Variants in SNX29 observed in about 807,000 individuals in gnomAD.
The protein encoded by SNX29 is sorting nexin 29, also known as sorting nexin-29.
In SNX29, 78 loss-of-function variants were observed where a neutral mutation model predicts 102.1. The ratio of observed to expected loss-of-function variants is 0.76; its 90% CI spans 0.64 to 0.92. SNX29 has a LOEUF of 0.92. Ranked by LOEUF, SNX29 falls within the 40% of genes least tolerant of loss-of-function variation. The pLI, the probability that SNX29 is intolerant of heterozygous loss-of-function variation, is 0.00. For synonymous variants in SNX29, 580 were observed against 414.5 expected (o/e 1.40, Z -4.85); for missense variants, 1,280 against 1,061.7 (o/e 1.21, Z -2.86).
chr16:12,512,547 G>A (rs1048983989), intron 19 of SNX29, among the ~76,000 whole-genome samples: 4 of 151,118 alleles, frequency 2.6e-5, no homozygotes, highest in African/African-American at 9.7e-5. Flanking sequence ...GGTTGTTTTG[G>A]AGTTTGCCAT....
intron 16 of SNX29, among the ~76,000 whole-genome samples, chr16:12,364,162 T>G (rs972942445): frequency 3.4e-4 from 4 of 11,824 alleles, no homozygotes; most frequent in Admixed American, 1.2e-3. Context: ...CTGGCTTGTT[T>G]GTTATGTTAT....
chr16:12,448,321 C>T (rs919145004), intron 18 of SNX29, among the ~76,000 whole-genome samples: 4 of 151,660 alleles, frequency 2.6e-5, no homozygotes, highest in African/African-American at 9.8e-5. Flanking sequence ...TGTCTTTGGT[C>T]AAGGATGGTG....
chr16:12,493,127 T>C (rs949227564), intron 19 of SNX29, among the ~76,000 whole-genome samples: 11 of 152,226 alleles, frequency 7.2e-5, no homozygotes, highest in African/African-American at 2.7e-4. Flanking sequence ...TTGGGCAGTA[T>C]GGCCGTTTTC....
At chr16:12,091,025 A>AG (rs1236690773) in intron 11 of SNX29, among the ~76,000 whole-genome samples, 8 of 134,002 alleles carry the variant, frequency 6.0e-5, no homozygotes, top group African/African-American at 2.3e-4. Flanking sequence ...AAAAAAAAAA[A>AG]AAAAAAAAAA....
chr16:12,096,905 G>C lies in SNX29; in HGVS notation c.1402+17990G>C, dbSNP rs563846556. Among the ~76,000 whole-genome samples the C allele has an allele frequency of 1.4e-3, 218 of 152,310 alleles. No individual in the cohort carries two copies. Among genetic ancestry groups the C allele is most frequent in the Middle Eastern group, 3.4e-3 (1 of 294 alleles). On this transcript the variant is annotated intron_variant, in intron 11 of 20. Transcript: ENST00000566228. The surrounding 1 kb of genome is among the most constrained non-coding windows in gnomAD (Gnocchi z 4.2). ...CAGCAGGATGAATGTAGCAAGGATAGGGTGGCTGAGGTCCAGAGGGTCACA... is the reference window on the plus strand; with the variant it reads ...CAGCAGGATGAATGTAGCAAGGATACGGTGGCTGAGGTCCAGAGGGTCACA...
intron 8 of SNX29, among the ~76,000 whole-genome samples, chr16:12,059,586 G>A (rs1481361371): frequency 6.6e-6 from 1 of 152,194 alleles, no homozygotes; most frequent in Admixed American, 6.5e-5. Context: ...GCTAGAGAGG[G>A]CTGAAAGGAG....
At chr16:12,071,673 T>C (rs2051308351) in intron 10 of SNX29, among the ~76,000 whole-genome samples, 1 of 152,184 alleles carries the variant, frequency 6.6e-6, no homozygotes, top group African/African-American at 2.4e-5. Flanking sequence ...TGGTTCCATA[T>C]GAACTTTAAA....
At chr16:12,163,406 G>T (rs1033011007) in intron 13 of SNX29, among the ~76,000 whole-genome samples, 6 of 152,152 alleles carry the variant, frequency 3.9e-5, no homozygotes, top group Non-Finnish European at 8.8e-5. Context: ...ACTAGACTCT[G>T]CTACCCAGGG....
intron 18 of SNX29, among the ~76,000 whole-genome samples, chr16:12,424,031 A>AT (rs1450940612): frequency 9.2e-5 from 14 of 152,362 alleles, no homozygotes; most frequent in African/African-American, 3.4e-4. Context: ...CTGGTTGGCC[A>AT]GAGGGAATCA....
chr16:12,540,084 A>C (rs542201048), intron 20 of SNX29, among the ~76,000 whole-genome samples: 101 of 152,308 alleles, frequency 6.6e-4, no homozygotes, highest in Non-Finnish European at 1.1e-3. Context: ...ATGTCTACCA[A>C]TTGTTAGCCT....
chr16:12,489,342 CA>C (rs2088419206), intron 19 of SNX29, among the ~76,000 whole-genome samples: 2 of 152,112 alleles, frequency 1.3e-5, no homozygotes, highest in Admixed American at 1.3e-4. Flanking sequence ...TTCCTGAAGC[CA>C]CCTTTTTGGA....
At chr16:12,171,261 A>C (rs1426848912) in intron 13 of SNX29, among the ~76,000 whole-genome samples, 1 of 152,032 alleles carries the variant, frequency 6.6e-6, no homozygotes, top group Non-Finnish European at 1.5e-5. Context: ...AAGAGCGCCA[A>C]ATGGAACCCA....
chr16:12,563,130 CA>C (rs1293204970), intron 20 of SNX29, among the ~76,000 whole-genome samples: 3 of 152,090 alleles, frequency 2.0e-5, no homozygotes, highest in Admixed American at 6.6e-5. Context: ...GAAAGGTCGC[CA>C]CACGTCCTCA....
At chr16:12,089,752 C>T in intron 11 of SNX29, 1 of 296,106 alleles carries the variant, frequency 3.4e-6, no homozygotes, top group South Asian at 2.7e-5. Flanking sequence ...GAAGCAGGGG[C>T]GATAGGATTT....
At chr16:12,322,491 A>G (rs547196112) in intron 15 of SNX29, among the ~76,000 whole-genome samples, 8 of 152,350 alleles carry the variant, frequency 5.3e-5, no homozygotes, top group African/African-American at 1.7e-4. Context: ...GGTTACTGCA[A>G]TATACATTTG....
intron 18 of SNX29, among the ~76,000 whole-genome samples, chr16:12,410,026 G>A (rs761507123): frequency 1.1e-4 from 16 of 151,804 alleles, no homozygotes; most frequent in Admixed American, 7.9e-4. Flanking sequence ...AGGGAGTCTC[G>A]CTCTGTCACC....
At chr16:12,112,034 G>C (rs746854236) in intron 11 of SNX29, among the ~76,000 whole-genome samples, 1 of 152,216 alleles carries the variant, frequency 6.6e-6, no homozygotes, top group Non-Finnish European at 1.5e-5. Context: ...GATGCACACA[G>C]AGGTTGTGCG....
intron 11 of SNX29, among the ~76,000 whole-genome samples, chr16:12,105,387 G>A (rs1351281824): frequency 6.6e-6 from 1 of 151,990 alleles, no homozygotes; most frequent in Non-Finnish European, 1.5e-5. Flanking sequence ...ACCACACCTA[G>A]CTAGTTTTTT....
chr16:12,157,026 T>C (rs2141633593), intron 13 of SNX29, among the ~76,000 whole-genome samples: 1 of 152,180 alleles, frequency 6.6e-6, no homozygotes, highest in East Asian at 1.9e-4. Flanking sequence ...GAGCTGATCC[T>C]AGGAAGCTAC....
Sources: gnomAD v4.1 joint callset for allele counts (sites outside exome capture counted in the v4.1 genomes callset) on GRCh38, gnomAD v4.1.1 for gene constraint, Gnocchi (gnomAD v3.1) non-coding constraint, MANE v1.5 for transcripts, NCBI Gene and HGNC (gene_info 2026-07-23, HGNC 2026-07-21) for gene names.